Variants in PADI4 observed in about 807,000 individuals in gnomAD.
PADI4 encodes the protein protein-arginine deiminase type-4.
A neutral mutation model predicts 75.0 loss-of-function variants in PADI4; 62 were observed. That is an observed-to-expected ratio of 0.83 (90% CI 0.67 to 1.02). The LOEUF is 1.02. Among genes scored for constraint, PADI4 ranks in the 50% least tolerant of loss-of-function variants. PADI4 has a pLI of 0.00. For missense variants in PADI4, 845 were observed against 850.5 expected (o/e 0.99, Z 0.08); for synonymous variants, 361 against 348.1 (o/e 1.04, Z -0.41).
rs2074205434 is a variant in PADI4 at position 17,331,156 on chromosome 1, G to A, written c.273+7G>A. 7.5e-6 allele frequency: 12 copies of A among 1,607,472 alleles called. No individual in the cohort carries two copies. The highest frequency in any genetic ancestry group is 1.6e-4 in the Middle Eastern group (1 of 6,062). ...TAGCACAGGCGACCAGAAGGTGAGT[G>A]TCATAGCTGTGGGGTGGCAGTGTGG... On this transcript the variant is annotated splice_region_variant and intron_variant, in intron 2 of 15. Coordinates refer to ENST00000375448, the MANE Select transcript of PADI4 (RefSeq NM_012387.3).
At chr1:17,341,840 C>A in intron 6 of PADI4, 103 bp from the exon 7 acceptor site, 1 of 808,028 alleles carries the variant, frequency 1.2e-6, no homozygotes, top group South Asian at 1.7e-5. Context: ...CTGATGGTGC[C>A]ATGTGGTGAC....
chr1:17,321,249 G>T (rs1384050823), intron 1 of PADI4, among the ~76,000 whole-genome samples: 1 of 152,202 alleles, frequency 6.6e-6, no homozygotes, highest in Non-Finnish European at 1.5e-5. Context: ...GCAAAGCCCG[G>T]GAGATGGGAA....
chr1:17,363,571 G>A lies in PADI4; in HGVS notation c.1808G>A (p.Gly603Glu), dbSNP rs759411137. 58 of 1,613,912 alleles carry A rather than the reference G, an allele frequency of 3.6e-5. No individual in the cohort carries two copies. Among genetic ancestry groups the A allele is most frequent in the Non-Finnish European group, 4.7e-5 (56 of 1,179,970 alleles). The change falls in exon 16 of 16, where the codon GGG (glycine) becomes GAG (glutamate). Residue 603 changes from glycine to glutamate, a missense_variant. Gly to Glu is a moderately conservative substitution (Grantham distance 98). Transcript: ENST00000375448. ...GKHLGIPKPFGPVINGRCCLE... is the reference protein window; with the variant it reads ...GKHLGIPKPFEPVINGRCCLE... ...CACCTGGGCATCCCCAAGCCCTTCG[G>A]GCCCGTCATCAACGGCCGCTGCTGC...
At chr1:17,333,556 C>A (rs1443163557) in intron 2 of PADI4, among the ~76,000 whole-genome samples, 1 of 151,776 alleles carries the variant, frequency 6.6e-6, no homozygotes, top group Non-Finnish European at 1.5e-5. Flanking sequence ...TTCTTCAGGT[C>A]TTTCCTTGAT....
At chr1:17,333,033 G>A (rs905847924) in intron 2 of PADI4, among the ~76,000 whole-genome samples, 1 of 152,194 alleles carries the variant, frequency 6.6e-6, no homozygotes, top group African/African-American at 2.4e-5. Flanking sequence ...AGTTTGAAGA[G>A]TTTGGTATCA....
rs1361575164 is a variant in PADI4 at position 17,346,058 on chromosome 1, A to G, written c.966A>G (p.Ser322=). The G allele has an allele frequency of 1.2e-6, 2 of 1,613,366 alleles. No homozygotes were observed. Among genetic ancestry groups the G allele is most frequent in the South Asian group, 2.2e-5 (2 of 91,070 alleles). Reference sequence around the variant, plus strand: ...TTGAAAATGAGGACTTCCTGAAGTCAGTGACTACTCTGGCCATGAAAGCCA... The same window carrying G: ...TTGAAAATGAGGACTTCCTGAAGTCGGTGACTACTCTGGCCATGAAAGCCA... ...SIFENEDFLK[S]VTTLAMKAKC... is the part of the protein sequence containing the mutation. The change falls in exon 9 of 16, where the codon TCA becomes TCG. Residue 322 remains serine, a synonymous_variant. Coordinates refer to ENST00000375448, the MANE Select transcript of PADI4 (RefSeq NM_012387.3). The surrounding 1 kb of genome is among the most constrained non-coding windows in gnomAD (Gnocchi z 4.3).
chr1:17,340,825 G>C (rs1371644140), intron 6 of PADI4, among the ~76,000 whole-genome samples: 2 of 140,144 alleles, frequency 1.4e-5, no homozygotes, highest in Non-Finnish European at 3.0e-5. Context: ...TTTTTTGAGA[G>C]AGTCTCACTC....
At chr1:17,308,795 G>A (rs1284698471) in intron 1 of PADI4, among the ~76,000 whole-genome samples, 2 of 152,136 alleles carry the variant, frequency 1.3e-5, no homozygotes, top group African/African-American at 4.8e-5. Flanking sequence ...CAGAGACTGA[G>A]GTAGGAAGCC....
intron 13 of PADI4, among the ~76,000 whole-genome samples, chr1:17,357,576 T>G (rs977647145): frequency 6.6e-6 from 1 of 152,230 alleles, no homozygotes; most frequent in African/African-American, 2.4e-5. Context: ...CTGTCCTGCA[T>G]GCAAGTAGAT....
rs2100753484 is a variant in PADI4 at position 17,346,064 on chromosome 1, T to C, written c.972T>C (p.Thr324=). 1 of 1,613,592 alleles carries C rather than the reference T, an allele frequency of 6.2e-7. No individual in the cohort carries two copies. The highest frequency in any genetic ancestry group is 1.1e-5 in the South Asian group (1 of 91,080). The change falls in exon 9 of 16, where the codon ACT becomes ACC. Residue 324 remains threonine (T), a synonymous_variant. Coordinates refer to ENST00000375448, the MANE Select transcript of PADI4 (RefSeq NM_012387.3). This position sits in a 1 kb window ranked among gnomAD's most constrained non-coding sequence, Gnocchi z 4.3. ...FENEDFLKSV[T]TLAMKAKCKL... is the part of the protein sequence containing the mutation. ...ATGAGGACTTCCTGAAGTCAGTGAC[T>C]ACTCTGGCCATGAAAGCCAAGTGCA...
chr1:17,314,090 C>T (rs942747686), intron 1 of PADI4, among the ~76,000 whole-genome samples: 1 of 152,272 alleles, frequency 6.6e-6, no homozygotes, highest in Non-Finnish European at 1.5e-5. Flanking sequence ...CCCGTTTGTG[C>T]CCTTCTCCCT....
intron 15 of PADI4, among the ~76,000 whole-genome samples, chr1:17,361,705 T>C (rs567837652): frequency 2.0e-5 from 3 of 152,302 alleles, no homozygotes; most frequent in Admixed American, 6.5e-5. Flanking sequence ...ACACAGCTAT[T>C]GAATAGCAGA....
Position 17,346,945 on chromosome 1 carries a change from T to C in PADI4, c.1047+806T>C, listed in dbSNP as rs970423533. ...CCTTTCTTCCTTTCTTGCCATTCCA[T>C]CTTTTCTTTTCTTTTTTTTTTCACT... On this transcript the variant is annotated intron_variant, in intron 9 of 15. Transcript: ENST00000375448. This position sits in a 1 kb window ranked among gnomAD's most constrained non-coding sequence, Gnocchi z 4.3. Among the ~76,000 whole-genome samples, 9 of 151,684 alleles carry C rather than the reference T, an allele frequency of 5.9e-5. No individual in the cohort carries two copies. The highest frequency in any genetic ancestry group is 1.5e-5 in the Non-Finnish European group (1 of 67,932).
At chr1:17,332,455 G>C (rs1020030877) in intron 2 of PADI4, among the ~76,000 whole-genome samples, 4 of 152,062 alleles carry the variant, frequency 2.6e-5, no homozygotes, top group Non-Finnish European at 5.9e-5. Context: ...TCACCATGTT[G>C]GTCAGGCTGG....
chr1:17,317,325 A>G (rs1325898030), intron 1 of PADI4, among the ~76,000 whole-genome samples: 1 of 151,998 alleles, frequency 6.6e-6, no homozygotes, highest in African/African-American at 2.4e-5. Flanking sequence ...CTGGAGTGCA[A>G]TGGTGAGATC....
At chr1:17,352,566 C>T (rs777530775) in intron 10 of PADI4, among the ~76,000 whole-genome samples, 12 of 152,034 alleles carry the variant, frequency 7.9e-5, no homozygotes, top group Non-Finnish European at 1.5e-4. Flanking sequence ...CATGAGATTC[C>T]GGCTATGTCT....
rs960964123 is a variant in PADI4 at position 17,350,788 on chromosome 1, C to T, written c.1155+2740C>T. Reference sequence around the variant, plus strand: ...GCACTTGAGATATGACAGGGAGCAACGCCAAGGTCCCTGACCTCACGGAGG... The same window carrying T: ...GCACTTGAGATATGACAGGGAGCAATGCCAAGGTCCCTGACCTCACGGAGG... On this transcript the variant is annotated intron_variant, in intron 10 of 15. Transcript: ENST00000375448. Among the ~76,000 whole-genome samples, 5 of 130,050 alleles carry T rather than the reference C, an allele frequency of 3.8e-5. 1 individual carries two copies. Among genetic ancestry groups the T allele is most frequent in the Admixed American group, 8.4e-5 (1 of 11,836 alleles). 85.3% of individuals were successfully genotyped at this position (130,050 alleles called of 152,430 possible).
intron 4 of PADI4, 104 bp from the exon 5 acceptor site, chr1:17,337,934 A>C: frequency 2.1e-6 from 1 of 487,308 alleles, no homozygotes; most frequent in Non-Finnish European, 3.7e-6. Context: ...TAAATAAATA[A>C]ATAAATTTTA....
chr1:17,338,172 A>T lies in PADI4; in HGVS notation c.526+17A>T. The T allele has an allele frequency of 6.6e-7, 1 of 1,525,838 alleles. No homozygotes were observed. Among genetic ancestry groups the T allele is most frequent in the Non-Finnish European group, 9.1e-7 (1 of 1,100,004 alleles). 94.5% of individuals were successfully genotyped at this position (1,525,838 alleles called of 1,614,324 possible). On this transcript the variant is annotated intron_variant, in intron 5 of 15. Transcript: ENST00000375448. ...ACAGCGAAGGTAAAGAGCATTTGCT[A>T]GCTAACGGGAAGGGCTTTTTATAAA...
Sources: allele counts gnomAD v4.1 joint callset (sites outside exome capture counted in the v4.1 genomes callset), GRCh38; gene constraint gnomAD v4.1.1; non-coding constraint Gnocchi (gnomAD v3.1); transcripts MANE v1.5; gene names NCBI Gene and HGNC (gene_info 2026-07-23, HGNC 2026-07-21).